Variants in BCAS3 observed in about 807,000 individuals in gnomAD.
BCAS3 encodes the protein BCAS4/BCAS3 fusion.
BCAS3 carries 53 observed loss-of-function variants against 116.1 expected under a neutral mutation model. The observed-to-expected ratio is 0.46, with a 90% confidence interval of 0.37 to 0.57. The LOEUF (loss-of-function observed/expected upper bound fraction) is 0.57. BCAS3 is among the 20% of genes least tolerant of loss of function. BCAS3 has a pLI of 0.00. For synonymous variants in BCAS3, 391 were observed against 408.2 expected, an observed-to-expected ratio of 0.96 and a Z score of 0.51; for missense variants, 917 against 1,165.4, an observed-to-expected ratio of 0.79 and a Z score of 3.10.
intron 1 of BCAS3, among the ~76,000 whole-genome samples, chr17:60,678,156 GA>G (rs2032300286): frequency 6.6e-6 from 1 of 152,290 alleles, no homozygotes; most frequent in Middle Eastern, 3.4e-3. Flanking sequence ...AGTGGCTGGC[GA>G]GGGTCGTCCC....
At chr17:61,009,683 A>G (rs1274568506) in intron 15 of BCAS3, among the ~76,000 whole-genome samples, 1 of 152,066 alleles carries the variant, frequency 6.6e-6, no homozygotes, top group Non-Finnish European at 1.5e-5. Flanking sequence ...ACATATGTAC[A>G]CACAGATACA....
chr17:61,322,808 G>C (rs988262247), intron 22 of BCAS3, among the ~76,000 whole-genome samples: 4 of 129,042 alleles, frequency 3.1e-5, no homozygotes, highest in African/African-American at 1.3e-4. Flanking sequence ...GAGAGAGAGA[G>C]AGAGAGAGAG....
chr17:61,208,184 T>G lies in BCAS3; in HGVS notation c.2425+123620T>G, dbSNP rs541176324. Among the ~76,000 whole-genome samples the G allele has an allele frequency of 3.5e-4, 53 of 152,318 alleles. 1 individual carries two copies. The highest frequency in any genetic ancestry group is 1.2e-3 in the African/African-American group (50 of 41,572). The stretch of plus-strand genomic sequence containing the variant: ...AAGGTTTCATGAACTTTCCAGAGAC[T>G]AGTAACTTCCTATTCCACTTTCCTG... On this transcript the variant is annotated intron_variant, in intron 22 of 23. Coordinates refer to ENST00000407086, the MANE Select transcript of BCAS3 (RefSeq NM_017679.5). This position sits in a 1 kb window ranked among gnomAD's most constrained non-coding sequence, Gnocchi z 4.5.
intron 6 of BCAS3, among the ~76,000 whole-genome samples, chr17:60,755,130 G>C (rs1214050495): frequency 6.6e-6 from 1 of 152,132 alleles, no homozygotes; most frequent in Admixed American, 6.5e-5. Flanking sequence ...TAGAGGTGCT[G>C]CTTTTTCAGT....
chr17:60,842,681 C>T (rs2052064165), intron 7 of BCAS3, among the ~76,000 whole-genome samples: 1 of 152,054 alleles, frequency 6.6e-6, no homozygotes, highest in Admixed American at 6.6e-5. Context: ...TTTGCTTACT[C>T]CTGAGTGTGC....
intron 13 of BCAS3, among the ~76,000 whole-genome samples, chr17:60,929,246 G>C (rs2059513327): frequency 6.6e-6 from 1 of 152,026 alleles, no homozygotes; most frequent in African/African-American, 2.4e-5. Context: ...AACATACCAA[G>C]ATCCTGTATC....
chr17:61,016,946 A>G (rs1331295766), intron 16 of BCAS3: 1 of 152,184 alleles, frequency 6.6e-6, no homozygotes, highest in Non-Finnish European at 1.5e-5. Flanking sequence ...CTCTGTAGCT[A>G]GGTGGAGTGG....
At chr17:61,108,604 G>GT (rs56299790) in intron 22 of BCAS3, among the ~76,000 whole-genome samples, 130,281 of 140,174 alleles carry the variant, frequency 0.93, 61,005 homozygotes, top group Non-Finnish European at 0.99. Flanking sequence ...GTCTATAGTG[G>GT]TTTTTTTTTT....
chr17:61,241,133 A>C lies in BCAS3; in HGVS notation c.2426-127194A>C, dbSNP rs567588096. ...GTTAAGCTTTCTTTGGGGGACCCTC[A>C]TATAGTGGGCACACTGAATATGTGG... On this transcript the variant is annotated intron_variant, in intron 22 of 23. Transcript: ENST00000407086. The surrounding 1 kb of genome is among the most constrained non-coding windows in gnomAD (Gnocchi z 4.6). Among the ~76,000 whole-genome samples the C allele has an allele frequency of 1.0e-3, 158 of 152,338 alleles. No homozygotes were observed. Among genetic ancestry groups the C allele is most frequent in the African/African-American group, 3.8e-3 (156 of 41,578 alleles).
Position 61,083,752 on chromosome 17 carries a change from C to T in BCAS3, c.2328-715C>T, listed in dbSNP as rs1046372296. Among the ~76,000 whole-genome samples, 10 of 152,024 alleles carry T rather than the reference C, an allele frequency of 6.6e-5. No homozygotes were observed. Among genetic ancestry groups the T allele is most frequent in the Non-Finnish European group, 1.3e-4 (9 of 68,024 alleles). ...CTGGGACTATAGGTGCATGCCACCA[C>T]ACCCGGCTAATTTTTGCATTTTTAG... On this transcript the variant is annotated intron_variant, in intron 21 of 23. Coordinates refer to ENST00000407086, the MANE Select transcript of BCAS3 (RefSeq NM_017679.5). The surrounding 1 kb of genome is among the most constrained non-coding windows in gnomAD (Gnocchi z 4.9).
At chr17:61,359,556 G>A (rs144483912) in intron 22 of BCAS3, among the ~76,000 whole-genome samples, 1,703 of 149,854 alleles carry the variant, frequency 0.011, 19 homozygotes, top group Middle Eastern at 0.028. Flanking sequence ...GTGCGGTGCC[G>A]CGGATCTCAC....
intron 4 of BCAS3, among the ~76,000 whole-genome samples, chr17:60,693,778 T>G (rs2035195048): frequency 6.6e-6 from 1 of 151,664 alleles, no homozygotes; most frequent in Admixed American, 6.6e-5. Flanking sequence ...CAACAGGCCC[T>G]TTTTTTCAGT....
chr17:61,090,970 T>C (rs1245963929), intron 22 of BCAS3, among the ~76,000 whole-genome samples: 7 of 152,140 alleles, frequency 4.6e-5, no homozygotes, highest in Non-Finnish European at 2.9e-5. Flanking sequence ...TTCTTTCTAG[T>C]ATTTATAGGA....
chr17:60,750,526 G>A (rs146274246), intron 6 of BCAS3, among the ~76,000 whole-genome samples: 55 of 152,234 alleles, frequency 3.6e-4, no homozygotes, highest in African/African-American at 1.3e-3. Flanking sequence ...GGATATGAAA[G>A]TGTCGTTATT....
At chr17:60,882,666 C>T (rs1172940290) in intron 9 of BCAS3, among the ~76,000 whole-genome samples, 1 of 148,814 alleles carries the variant, frequency 6.7e-6, no homozygotes, top group Admixed American at 6.6e-5. Context: ...ATATGGCTAG[C>T]CAGTTTTCCC....
intron 13 of BCAS3, among the ~76,000 whole-genome samples, chr17:60,936,459 G>A (rs1181313479): frequency 6.6e-6 from 1 of 152,062 alleles, no homozygotes; most frequent in African/African-American, 2.4e-5. Flanking sequence ...GGTTGAACTA[G>A]TTTACAGTCC....
chr17:61,074,891 G>A, intron 19 of BCAS3, 29 bp from the exon 20 acceptor site: 1 of 1,511,750 alleles, frequency 6.6e-7, no homozygotes, highest in Non-Finnish European at 9.1e-7. Flanking sequence ...GGAATGAAGT[G>A]GTTTAAATCT....
In BCAS3 at chr17:60,759,056, CTCTGCCTCCCGGGT is replaced by C. The variant is rs2043260661; in HGVS notation, c.403+11781_403+11794del. ...TGGCACGATCTCGACTCACTGCAAC[CTCTGCCTCCCGGGT>C]TCTATCGATTCTCCTGCCTTAGCCT... On this transcript the variant is annotated intron_variant, in intron 6 of 23. Coordinates refer to ENST00000407086, the MANE Select transcript of BCAS3 (RefSeq NM_017679.5). Among the ~76,000 whole-genome samples, 3 of 151,892 alleles carry C rather than the reference CTCTGCCTCCCGGGT, an allele frequency of 2.0e-5. No individual in the cohort carries two copies. The South Asian group carries it at 6.2e-4, about 32-fold the overall frequency.
In BCAS3 at chr17:61,083,161, A is replaced by G. The variant is rs1015099582; in HGVS notation, c.2328-1306A>G. ...CTCCTCTTCATTATGCGTATATACTATTACTATATACAGACCTAATCCCTG... is the reference window on the plus strand; with the variant it reads ...CTCCTCTTCATTATGCGTATATACTGTTACTATATACAGACCTAATCCCTG... On this transcript the variant is annotated intron_variant, in intron 21 of 23. Coordinates refer to ENST00000407086, the MANE Select transcript of BCAS3 (RefSeq NM_017679.5). This position sits in a 1 kb window ranked among gnomAD's most constrained non-coding sequence, Gnocchi z 4.9. 2.0e-5 allele frequency among the ~76,000 whole-genome samples: 3 copies of G among 152,120 alleles called. No homozygotes were observed. The highest frequency in any genetic ancestry group is 2.1e-4 in the South Asian group (1 of 4,836).
Sources: allele counts gnomAD v4.1 joint callset (sites outside exome capture counted in the v4.1 genomes callset), GRCh38; gene constraint gnomAD v4.1.1; non-coding constraint Gnocchi (gnomAD v3.1); transcripts MANE v1.5; gene names NCBI Gene and HGNC (gene_info 2026-07-23, HGNC 2026-07-21).